Variants in RIT2 observed in about 807,000 individuals in gnomAD.
RIT2 encodes the protein GTP-binding protein Rit2.
RIT2 carries 24 observed loss-of-function variants against 23.7 expected under a neutral mutation model. That is an observed-to-expected ratio of 1.01 (90% CI 0.73 to 1.43). The LOEUF (loss-of-function observed/expected upper bound fraction) is 1.43. RIT2 is among the 40% of genes most tolerant of loss of function. The pLI, the probability that RIT2 is intolerant of heterozygous loss-of-function variation, is 0.00. For synonymous variants in RIT2, 107 were observed against 91.1 expected (o/e 1.17, Z -0.99); for missense variants, 236 against 266.9 (o/e 0.88, Z 0.81).
chr18:42,809,934 TATTAATATATGATATAC>T (rs1421974574), intron 4 of RIT2, among the ~76,000 whole-genome samples: 182 of 144,290 alleles, frequency 1.3e-3, no homozygotes, highest in African/African-American at 4.5e-3. Context: ...ATATGTTATA[TATTAATATATGATATAC>T]ATAATTTGTA....
intron 4 of RIT2, among the ~76,000 whole-genome samples, chr18:42,832,401 A>G (rs1355135326): frequency 6.6e-6 from 1 of 152,220 alleles, no homozygotes; most frequent in African/African-American, 2.4e-5. Context: ...GATCCCACCC[A>G]TAATGATGAA....
At chr18:43,072,521 G>C (rs1912922678) in intron 1 of RIT2, among the ~76,000 whole-genome samples, 1 of 152,090 alleles carries the variant, frequency 6.6e-6, no homozygotes, top group South Asian at 2.1e-4. Flanking sequence ...TCAAGTCTTT[G>C]GTAAATTACA....
chr18:42,932,003 T>C (rs1276955756), intron 3 of RIT2, among the ~76,000 whole-genome samples: 1 of 152,192 alleles, frequency 6.6e-6, no homozygotes, highest in Non-Finnish European at 1.5e-5. Context: ...TTCTAAATAC[T>C]GAATACAAAA....
chr18:43,105,490 G>A (rs4890427), intron 1 of RIT2, among the ~76,000 whole-genome samples: 10,820 of 115,578 alleles, frequency 0.094, 613 homozygotes, highest in South Asian at 0.11. Context: ...GGGAGGAAGG[G>A]AGGAAGAAAG....
chr18:42,858,154 C>T (rs1348895818), intron 4 of RIT2, among the ~76,000 whole-genome samples: 1 of 152,124 alleles, frequency 6.6e-6, no homozygotes, highest in Non-Finnish European at 1.5e-5. Flanking sequence ...GCACTCCAGC[C>T]AGAGCGAAAG....
intron 4 of RIT2, among the ~76,000 whole-genome samples, chr18:42,878,338 A>G (rs1907798424): frequency 6.6e-6 from 1 of 151,770 alleles, no homozygotes; most frequent in Admixed American, 6.6e-5. Flanking sequence ...AGAAGGAAAA[A>G]TGTTATTTAA....
intron 4 of RIT2, among the ~76,000 whole-genome samples, chr18:42,771,855 G>T (rs779261840): frequency 2.0e-5 from 3 of 152,098 alleles, no homozygotes. Flanking sequence ...TTTCAAGTGA[G>T]GCAGTAATTA....
At chr18:42,869,887 TATAGTCCCAC>T (rs1247330407) in intron 4 of RIT2, among the ~76,000 whole-genome samples, 13 of 152,310 alleles carry the variant, frequency 8.5e-5, no homozygotes, top group African/African-American at 2.6e-4. Context: ...TTAATAAAGG[TATAGTCCCAC>T]ATATCCTTTC....
At chr18:43,029,477 A>T (rs1432622630) in intron 2 of RIT2, among the ~76,000 whole-genome samples, 2 of 152,042 alleles carry the variant, frequency 1.3e-5, no homozygotes, top group Non-Finnish European at 1.5e-5. Context: ...ACCCTAAGAA[A>T]CAATGGATAG....
intron 1 of RIT2, among the ~76,000 whole-genome samples, chr18:43,042,214 C>T (rs1912144368): frequency 6.6e-6 from 1 of 152,158 alleles, no homozygotes; most frequent in South Asian, 2.1e-4. Context: ...CTCAAACTCT[C>T]TGACTTAATT....
At chr18:43,006,592 G>C (rs1234467664) in intron 2 of RIT2, among the ~76,000 whole-genome samples, 1 of 151,200 alleles carries the variant, frequency 6.6e-6, no homozygotes, top group East Asian at 1.9e-4. Flanking sequence ...GCTCAAGAGT[G>C]AATAAATACA....
chr18:42,943,543 T>A (rs182764076), intron 3 of RIT2, among the ~76,000 whole-genome samples: 1 of 152,130 alleles, frequency 6.6e-6, no homozygotes, highest in Non-Finnish European at 1.5e-5. Context: ...TCAACACAAA[T>A]TGGGTAAATA....
chr18:42,816,080 A>T (rs1396605060), intron 4 of RIT2, among the ~76,000 whole-genome samples: 3 of 152,132 alleles, frequency 2.0e-5, no homozygotes, highest in South Asian at 4.1e-4. Context: ...GTCCTTTGGA[A>T]ATAACAATCC....
At chr18:42,822,383 C>A (rs973678365) in intron 4 of RIT2, among the ~76,000 whole-genome samples, 1 of 152,076 alleles carries the variant, frequency 6.6e-6, no homozygotes, top group African/African-American at 2.4e-5. Context: ...TTGGCAATTT[C>A]ACTCACGTTG....
chr18:42,871,472 A>G (rs1357686931), intron 4 of RIT2, among the ~76,000 whole-genome samples: 2 of 152,158 alleles, frequency 1.3e-5, no homozygotes, highest in African/African-American at 4.8e-5. Flanking sequence ...AAATAAAACA[A>G]CCATTGATTT....
chr18:43,091,421 T>A (rs781285958), intron 1 of RIT2, among the ~76,000 whole-genome samples: 29 of 152,094 alleles, frequency 1.9e-4, no homozygotes, highest in Non-Finnish European at 3.5e-4. Context: ...AGCTTGATCA[T>A]CAGTTCTAAC....
At chr18:42,846,772 A>G (rs1906920993) in intron 4 of RIT2, among the ~76,000 whole-genome samples, 1 of 152,142 alleles carries the variant, frequency 6.6e-6, no homozygotes, top group South Asian at 2.1e-4. Context: ...GATAAAAAGG[A>G]ACGCTTCAAA....
At chr18:42,857,688 A>T (rs986911275) in intron 4 of RIT2, among the ~76,000 whole-genome samples, 1 of 152,220 alleles carries the variant, frequency 6.6e-6, no homozygotes, top group Non-Finnish European at 1.5e-5. Context: ...TGAAGTGGCT[A>T]TGCCCTGGAT....
At chr18:42,931,851 G>A (rs1388627653) in intron 3 of RIT2, among the ~76,000 whole-genome samples, 1 of 152,076 alleles carries the variant, frequency 6.6e-6, no homozygotes, top group Non-Finnish European at 1.5e-5. Flanking sequence ...AAATCCACAT[G>A]ACAAAGTTGC....
Sources: gnomAD v4.1 joint callset for allele counts (sites outside exome capture counted in the v4.1 genomes callset) on GRCh38, gnomAD v4.1.1 for gene constraint, MANE v1.5 for transcripts, NCBI Gene and HGNC (gene_info 2026-07-23, HGNC 2026-07-21) for gene names.